RFX3: variants seen among roughly 807,000 people sequenced by gnomAD.
RFX3 encodes the protein transcription factor RFX3.
A neutral mutation model predicts 98.6 loss-of-function variants in RFX3; 14 were observed. The ratio of observed to expected loss-of-function variants is 0.14; its 90% confidence interval spans 0.09 to 0.22. The LOEUF (loss-of-function observed/expected upper bound fraction) is 0.22, where lower values mean the gene tolerates loss of function less well. Ranked by LOEUF, RFX3 falls within the 10% of genes least tolerant of loss-of-function variation. The pLI is 1.00. For missense variants in RFX3, 639 were observed against 926.9 expected (o/e 0.69, Z 4.03); for synonymous variants, 383 against 328.4 (o/e 1.17, Z -1.80).
chr9:3,392,171 A>G lies in RFX3; in HGVS notation c.117+3301T>C, dbSNP rs62526378. Among the ~76,000 whole-genome samples the G allele has an allele frequency of 7.7e-3, 1,176 of 152,302 alleles. 7 individuals are homozygous for G. Among genetic ancestry groups the G allele is most frequent in the South Asian group, 0.019 (93 of 4,830 alleles). On this transcript the variant is annotated intron_variant, in intron 2 of 16. Transcript: ENST00000617270. ...CAAGACTCACTCATGCATTCAAATCAGCGTCTTATATCCACATTTTAAAAT... is the reference window on the plus strand; with the variant it reads ...CAAGACTCACTCATGCATTCAAATCGGCGTCTTATATCCACATTTTAAAAT...
rs1563993645 is a variant in RFX3 at position 3,366,698 on chromosome 9, CTTT to C, written c.118-19937_118-19935del. Among the ~76,000 whole-genome samples the C allele has an allele frequency of 2.8e-3, 175 of 61,778 alleles. 4 individuals are homozygous for C. Among genetic ancestry groups the C allele is most frequent in the African/African-American group, 0.01 (158 of 15,464 alleles). The allele number at this position is 61,778 out of a possible 152,430, so 40.5% of individuals were successfully genotyped here. A position where few individuals can be genotyped will look rare whatever the true frequency, so the allele number is the denominator to read the frequency against. On this transcript the variant is annotated intron_variant, in intron 2 of 16. Transcript: ENST00000617270. ...TCTTTCTTTCTTCTTTCTTTCCTTT[CTTT>C]CTTTCTTTCTTTCTTTCTTTCTTTC...
At position 3,395,510 on chromosome 9, in the gene RFX3, G is replaced by A; in HGVS notation, c.79C>T (p.Pro27Ser). 6 of 1,614,108 alleles carry A rather than the reference G, an allele frequency of 3.7e-6. No individual in the cohort carries two copies. Among genetic ancestry groups the A allele is most frequent in the Non-Finnish European group, 5.1e-6 (6 of 1,179,986 alleles). ...GGTACTTGCTGTACCACCTGCGTAG[G>A]CACTGCTGCTTGACTAGCCACAGAT... is the stretch of plus-strand genomic sequence containing the variant. Reference protein sequence around the residue: ...QTSVASQAAVPTQVVQQVPVQ... With the variant: ...QTSVASQAAVSTQVVQQVPVQ... The change falls in exon 2 of 17, where the codon CCT becomes TCT. Residue 27 changes from proline (P) to serine (S), a missense_variant. Pro to Ser is a moderately conservative substitution (Grantham distance 74). This residue lies in a region of RFX3 where 210 missense variants were observed against 197.7 expected (regional missense o/e 1.06). Transcript: ENST00000617270.
intron 1 of RFX3, among the ~76,000 whole-genome samples, chr9:3,518,395 C>T (rs562155252): frequency 3.3e-5 from 5 of 152,162 alleles, no homozygotes; most frequent in African/African-American, 1.2e-4. Context: ...GGCTAATTAT[C>T]TACAAAAATA....
chr9:3,309,948 C>G (rs1344554511), intron 4 of RFX3, among the ~76,000 whole-genome samples: 1 of 152,264 alleles, frequency 6.6e-6, no homozygotes, highest in East Asian at 1.9e-4. Flanking sequence ...GGTGGAGGAT[C>G]ACTGGCAGAA....
intron 3 of RFX3, among the ~76,000 whole-genome samples, chr9:3,344,078 C>T (rs1459007456): frequency 2.0e-5 from 3 of 151,974 alleles, no homozygotes; most frequent in African/African-American, 7.3e-5. Context: ...TGTGGAAGAC[C>T]CTAATATCAG....
chr9:3,399,963 G>C (rs938611583), intron 1 of RFX3, among the ~76,000 whole-genome samples: 1 of 148,294 alleles, frequency 6.7e-6, no homozygotes, highest in African/African-American at 2.5e-5. Context: ...AAAAAAAAAA[G>C]AAAATTGCTT....
At chr9:3,291,721 T>C (rs1462406090) in intron 6 of RFX3, among the ~76,000 whole-genome samples, 1 of 152,128 alleles carries the variant, frequency 6.6e-6, no homozygotes, top group Non-Finnish European at 1.5e-5. Context: ...AATCTTTTCT[T>C]CCTACAACAC....
chr9:3,470,414 A>C (rs528812291), intron 1 of RFX3, among the ~76,000 whole-genome samples: 2 of 150,422 alleles, frequency 1.3e-5, no homozygotes, highest in East Asian at 2.0e-4. Flanking sequence ...TACCGGGTTC[A>C]CGCCATTCTC....
intron 1 of RFX3, among the ~76,000 whole-genome samples, chr9:3,503,116 C>CT (rs1816225618): frequency 6.6e-6 from 1 of 152,028 alleles, no homozygotes; most frequent in African/African-American, 2.4e-5. Context: ...TAATTTTTTA[C>CT]TTTTTTAATG....
chr9:3,467,141 T>C (rs1343500484), intron 1 of RFX3, among the ~76,000 whole-genome samples: 1 of 143,288 alleles, frequency 7.0e-6, no homozygotes, highest in Non-Finnish European at 1.5e-5. Flanking sequence ...TATATATGTA[T>C]ATACATAATA....
At chr9:3,357,905 G>T (rs1426469266) in intron 2 of RFX3, among the ~76,000 whole-genome samples, 1 of 151,870 alleles carries the variant, frequency 6.6e-6, no homozygotes, top group African/African-American at 2.4e-5. Flanking sequence ...TCTCTAAAAG[G>T]TCTTCTGTAA....
At chr9:3,351,834 C>T (rs762331024) in intron 2 of RFX3, among the ~76,000 whole-genome samples, 1 of 151,826 alleles carries the variant, frequency 6.6e-6, no homozygotes, top group African/African-American at 2.4e-5. Context: ...AACGAGCATG[C>T]TTACATATAG....
intron 15 of RFX3, 89 bp from the exon 16 acceptor site, chr9:3,228,978 G>T: frequency 8.6e-7 from 1 of 1,164,412 alleles, no homozygotes; most frequent in Non-Finnish European, 1.2e-6. Flanking sequence ...GCCAATCTAT[G>T]ACTCTTTAAA....
chr9:3,304,287 T>A (rs961266901), intron 4 of RFX3, among the ~76,000 whole-genome samples: 1 of 151,984 alleles, frequency 6.6e-6, no homozygotes, highest in Non-Finnish European at 1.5e-5. Context: ...CATGAAAGGA[T>A]CATAGCCCTG....
At chr9:3,434,346 G>A (rs1258329155) in intron 1 of RFX3, among the ~76,000 whole-genome samples, 2 of 151,996 alleles carry the variant, frequency 1.3e-5, no homozygotes, top group African/African-American at 2.4e-5. Context: ...TCCTTTATAA[G>A]GCTCATCCTT....
At chr9:3,455,874 T>C (rs1847103731) in intron 1 of RFX3, among the ~76,000 whole-genome samples, 1 of 152,194 alleles carries the variant, frequency 6.6e-6, no homozygotes, top group Admixed American at 6.5e-5. Context: ...GTACTTCGCT[T>C]CTATTAAAAC....
intron 12 of RFX3, among the ~76,000 whole-genome samples, chr9:3,265,640 T>C (rs1322989006): frequency 6.6e-6 from 1 of 152,160 alleles, no homozygotes; most frequent in East Asian, 1.9e-4. Context: ...AGACTAAAAT[T>C]TGTATCTCTA....
intron 1 of RFX3, among the ~76,000 whole-genome samples, chr9:3,510,207 C>T (rs1487639463): frequency 6.6e-6 from 1 of 151,784 alleles, no homozygotes; most frequent in Non-Finnish European, 1.5e-5. Flanking sequence ...GGAAGAAAGG[C>T]TGAAGTTGGC....
intron 1 of RFX3, among the ~76,000 whole-genome samples, chr9:3,464,926 C>G (rs1406608696): frequency 6.6e-6 from 1 of 151,660 alleles, no homozygotes; most frequent in Admixed American, 6.6e-5. Context: ...AAAAAAAATT[C>G]AAAAGTTATC....
Sources: gnomAD v4.1 joint callset for allele counts (sites outside exome capture counted in the v4.1 genomes callset) on GRCh38, gnomAD v4.1.1 for gene constraint, gnomAD v4.1.1 regional missense constraint, MANE v1.5 for transcripts, NCBI Gene and HGNC (gene_info 2026-07-23, HGNC 2026-07-21) for gene names.